SNX22: variants seen among roughly 807,000 people sequenced by gnomAD.
SNX22 encodes sorting nexin-22.
SNX22 carries 23 observed loss-of-function variants against 24.7 expected under a neutral mutation model. That is an observed-to-expected ratio of 0.93 (90% confidence interval 0.67 to 1.32). The LOEUF (loss-of-function observed/expected upper bound fraction) is 1.32. SNX22 is among the 40% of genes most tolerant of loss of function. The probability of loss-of-function intolerance (pLI) is 0.00; values close to 1 mark genes in which losing one functional copy is unlikely to be tolerated. For synonymous variants in SNX22, 99 were observed against 104.0 expected, an observed-to-expected ratio of 0.95 and a Z score of 0.29; for missense variants, 261 against 249.9, an observed-to-expected ratio of 1.04 and a Z score of -0.30.
chr15:64,155,901 G>C lies in SNX22; in HGVS notation c.*1393G>C. 6.9e-7 allele frequency: 1 copy of C among 1,455,726 alleles called. No homozygotes were observed. The highest frequency in any genetic ancestry group is 1.1e-5 in the South Asian group (1 of 87,548). 90.2% of individuals were successfully genotyped at this position (1,455,726 alleles called of 1,614,324 possible). ...ACAAAAGTGAGTCCATGGGCCTGTG[G>C]AATGTGAGGGGAGTGGGTCCGCTCC... On this transcript the variant is annotated 3_prime_UTR_variant, in exon 7 of 7. Transcript: ENST00000325881.
rs990573204 is a variant in SNX22 at position 64,156,493 on chromosome 15, G to A, written c.*1985G>A. ...GCACGTCACTGAGTGAAGGAGGGGA[G>A]GGAGGCTCTGGCAGTTGTGCAGCCT... On this transcript the variant is annotated 3_prime_UTR_variant, in exon 7 of 7. Transcript: ENST00000325881. The surrounding 1 kb of genome is among the most constrained non-coding windows in gnomAD (Gnocchi z 6.4). 5 of 639,408 alleles carry A rather than the reference G, an allele frequency of 7.8e-6. No individual in the cohort carries two copies. Among genetic ancestry groups the A allele is most frequent in the Non-Finnish European group, 1.4e-5 (5 of 362,238 alleles). 39.6% of individuals were successfully genotyped at this position (639,408 alleles called of 1,614,324 possible). A position where few individuals can be genotyped will look rare whatever the true frequency, so the allele number is the denominator to read the frequency against.
Position 64,156,178 on chromosome 15 carries a change from G to T in SNX22, c.*1670G>T, listed in dbSNP as rs2081529909. On this transcript the variant is annotated 3_prime_UTR_variant, in exon 7 of 7. Coordinates refer to ENST00000325881, the MANE Select transcript of SNX22 (RefSeq NM_024798.3). The surrounding 1 kb of genome is among the most constrained non-coding windows in gnomAD (Gnocchi z 6.4). ...AGAAAGGTGGAAGCAGGAGGGCATGGTGGATCAGGAGGTCCACCGCTCAGG... is the reference window on the plus strand; with the variant it reads ...AGAAAGGTGGAAGCAGGAGGGCATGTTGGATCAGGAGGTCCACCGCTCAGG... 2 of 1,613,280 alleles carry T rather than the reference G, an allele frequency of 1.2e-6. No individual in the cohort carries two copies. The highest frequency in any genetic ancestry group is 4.5e-5 in the East Asian group (2 of 44,874).
chr15:64,155,652 G>A lies in SNX22; in HGVS notation c.*1144G>A. The A allele has an allele frequency of 3.4e-6, 1 of 296,086 alleles. No individual in the cohort carries two copies. Among genetic ancestry groups the A allele is most frequent in the African/African-American group, 2.2e-5 (1 of 46,208 alleles). 18.3% of individuals were successfully genotyped at this position (296,086 alleles called of 1,614,324 possible). On this transcript the variant is annotated 3_prime_UTR_variant, in exon 7 of 7. Transcript: ENST00000325881. ...AGCTGGCAAAGTTTAGAAGCAGGGG[G>A]CAAAAGCTCCTGCCTGACTTTTCCT...
Position 64,156,890 on chromosome 15 carries a change from C to T in SNX22, c.*2382C>T. ...GTTTGAAGTTCTCATCGGGGAAGCG[C>T]TCACCGTAGATGCTCTTTCCTGGGA... On this transcript the variant is annotated 3_prime_UTR_variant, in exon 7 of 7. Transcript: ENST00000325881. This position sits in a 1 kb window ranked among gnomAD's most constrained non-coding sequence, Gnocchi z 6.4. 1 of 1,614,126 alleles carries T rather than the reference C, an allele frequency of 6.2e-7. No individual in the cohort carries two copies. The highest frequency in any genetic ancestry group is 8.5e-7 in the Non-Finnish European group (1 of 1,180,016).
Position 64,156,025 on chromosome 15 carries a change from ACTC to A in SNX22, c.*1520_*1522del. On this transcript the variant is annotated 3_prime_UTR_variant, in exon 7 of 7. Transcript: ENST00000325881. The surrounding 1 kb of genome is among the most constrained non-coding windows in gnomAD (Gnocchi z 6.4). ...TCAAAGAAAGATGTCCCTGTGCCCT[ACTC>A]CTTGGCGATGGCAAAGGGCTTCTCC... The A allele has an allele frequency of 6.2e-7, 1 of 1,613,846 alleles. No individual in the cohort carries two copies. Among genetic ancestry groups the A allele is most frequent in the South Asian group, 1.1e-5 (1 of 91,072 alleles).
In SNX22 at chr15:64,157,034, G is replaced by T; in HGVS notation, c.*2526G>T. On this transcript the variant is annotated 3_prime_UTR_variant, in exon 7 of 7. Coordinates refer to ENST00000325881, the MANE Select transcript of SNX22 (RefSeq NM_024798.3). This position sits in a 1 kb window ranked among gnomAD's most constrained non-coding sequence, Gnocchi z 4.2. ...AGGCTAGGCTGGAGTGGACTACAAG[G>T]ACATAAAAGCAGCGTCCTTCCTATC... 1 of 1,040,098 alleles carries T rather than the reference G, an allele frequency of 9.6e-7. No individual in the cohort carries two copies. Among genetic ancestry groups the T allele is most frequent in the Non-Finnish European group, 1.4e-6 (1 of 718,046 alleles). 64.4% of individuals were successfully genotyped at this position (1,040,098 alleles called of 1,614,324 possible).
Position 64,151,982 on chromosome 15 carries a change from C to A in SNX22, c.75+132C>A, listed in dbSNP as rs1018558060. ...GCTGGACCGTCGGGGGAAACCTTGT[C>A]GAGGGTTTGGGGGCCGCTTGGATTT... On this transcript the variant is annotated intron_variant, in intron 1 of 6. Transcript: ENST00000325881. The A allele has an allele frequency of 8.0e-6, 8 of 995,662 alleles. No homozygotes were observed. The African/African-American group carries it at 8.7e-5, about 11-fold the overall frequency. The allele number at this position is 995,662 out of a possible 1,614,324, so 61.7% of individuals were successfully genotyped here.
intron 3 of SNX22, 171 bp from the exon 4 acceptor site, chr15:64,153,074 A>G (rs2140176582): frequency 1.3e-6 from 1 of 756,374 alleles, no homozygotes; most frequent in South Asian, 1.8e-5. Context: ...ATGGGGTACA[A>G]CCTGTGCACA....
chr15:64,152,236 C>T lies in SNX22; in HGVS notation c.76-7C>T. The T allele has an allele frequency of 7.2e-7, 1 of 1,397,386 alleles. No individual in the cohort carries two copies. 86.6% of individuals were successfully genotyped at this position (1,397,386 alleles called of 1,614,324 possible). A position where few individuals can be genotyped will look rare whatever the true frequency, so the allele number is the denominator to read the frequency against. On this transcript the variant is annotated splice_polypyrimidine_tract_variant and splice_region_variant and intron_variant, in intron 1 of 6. Transcript: ENST00000325881. ...CGCGCAGACCCGCTGCCCGCCCGCGCCGCCAGGTGTTCCGAGTGGAGGTGC... is the reference window on the plus strand; with the variant it reads ...CGCGCAGACCCGCTGCCCGCCCGCGTCGCCAGGTGTTCCGAGTGGAGGTGC...
In SNX22 at chr15:64,156,458, GGTGGGACCAGCACGTCA is replaced by G. The variant is rs2081532343; in HGVS notation, c.*1951_*1967del. The G allele has an allele frequency of 8.1e-6, 5 of 617,758 alleles. No individual in the cohort carries two copies. The South Asian group carries it at 9.5e-5, about 12-fold the overall frequency. 38.3% of individuals were successfully genotyped at this position (617,758 alleles called of 1,614,324 possible). A position where few individuals can be genotyped will look rare whatever the true frequency, so the allele number is the denominator to read the frequency against. ...TCAGCTGCACTCTGTATACCTCAGG[GGTGGGACCAGCACGTCA>G]CTGAGTGAAGGAGGGGAGGGAGGCT... On this transcript the variant is annotated 3_prime_UTR_variant, in exon 7 of 7. Coordinates refer to ENST00000325881, the MANE Select transcript of SNX22 (RefSeq NM_024798.3). The surrounding 1 kb of genome is among the most constrained non-coding windows in gnomAD (Gnocchi z 6.4).
At position 64,153,266 on chromosome 15, in the gene SNX22, G is replaced by C. The variant is rs953330951; in HGVS notation, c.286G>C (p.Glu96Gln). 6.2e-7 allele frequency: 1 copy of C among 1,614,186 alleles called. No homozygotes were observed. The change falls in exon 4 of 7, where the codon GAG (glutamate) becomes CAG (glutamine). Residue 96 changes from glutamate to glutamine, a missense_variant. Glu to Gln is a conservative substitution (Grantham distance 29). Coordinates refer to ENST00000325881, the MANE Select transcript of SNX22 (RefSeq NM_024798.3). ...YIQGILYLNQEVPKELLEFLR... is the reference protein window; with the variant it reads ...YIQGILYLNQQVPKELLEFLR... ...CCAGGGCATCCTGTACCTGAACCAG[G>C]AGGTGCCCAAGGAGTTACTGGAATT...
At chr15:64,151,972 G>A (rs1312629407) in intron 1 of SNX22, 122 bp downstream of exon 1, 3 of 1,051,876 alleles carry the variant, frequency 2.9e-6, no homozygotes, top group Non-Finnish European at 3.9e-6. Flanking sequence ...ACCGTCGGGG[G>A]AAACCTTGTC....
At position 64,156,574 on chromosome 15, in the gene SNX22, T is replaced by C. The variant is rs2081533213; in HGVS notation, c.*2066T>C. The C allele has an allele frequency of 2.0e-6, 2 of 979,520 alleles. No homozygotes were observed. Among genetic ancestry groups the C allele is most frequent in the Non-Finnish European group, 1.6e-6 (1 of 613,192 alleles). The allele number at this position is 979,520 out of a possible 1,614,324, so 60.7% of individuals were successfully genotyped here. On this transcript the variant is annotated 3_prime_UTR_variant, in exon 7 of 7. Coordinates refer to ENST00000325881, the MANE Select transcript of SNX22 (RefSeq NM_024798.3). This position sits in a 1 kb window ranked among gnomAD's most constrained non-coding sequence, Gnocchi z 6.4. The stretch of plus-strand genomic sequence containing the variant: ...ATTTAGAACCTTGGAGGCATGGAGG[T>C]ACAGGGTTTATTCTGGACAGGAGCA...
At chr15:64,152,572 C>T in intron 2 of SNX22, 66 bp from the exon 3 acceptor site, 2 of 1,490,472 alleles carry the variant, frequency 1.3e-6, no homozygotes, top group Non-Finnish European at 1.8e-6. Context: ...GGGCTTCTGG[C>T]TGGGGCGAAG....
rs767544429 is a variant in SNX22 at position 64,156,940 on chromosome 15, G to A, written c.*2432G>A. On this transcript the variant is annotated 3_prime_UTR_variant, in exon 7 of 7. Coordinates refer to ENST00000325881, the MANE Select transcript of SNX22 (RefSeq NM_024798.3). This position sits in a 1 kb window ranked among gnomAD's most constrained non-coding sequence, Gnocchi z 6.4. Reference sequence around the variant, plus strand: ...AAAAAAGACAGAGCAGGTCAGGGGCGCTGGATTGCGCCAAACCAAGCAGAC... The same window carrying A: ...AAAAAAGACAGAGCAGGTCAGGGGCACTGGATTGCGCCAAACCAAGCAGAC... 1.5e-5 allele frequency: 24 copies of A among 1,609,172 alleles called. No homozygotes were observed. The highest frequency in any genetic ancestry group is 4.4e-5 in the South Asian group (4 of 90,922).
At position 64,156,457 on chromosome 15, in the gene SNX22, G is replaced by A; in HGVS notation, c.*1949G>A. On this transcript the variant is annotated 3_prime_UTR_variant, in exon 7 of 7. Transcript: ENST00000325881. This position sits in a 1 kb window ranked among gnomAD's most constrained non-coding sequence, Gnocchi z 6.4. ...TTCAGCTGCACTCTGTATACCTCAG[G>A]GGTGGGACCAGCACGTCACTGAGTG... 1.6e-6 allele frequency: 1 copy of A among 617,612 alleles called. No individual in the cohort carries two copies. The allele number at this position is 617,612 out of a possible 1,614,324, so 38.3% of individuals were successfully genotyped here.
chr15:64,151,899 C>T, intron 1 of SNX22, 49 bp downstream of exon 1: 2 of 1,492,896 alleles, frequency 1.3e-6, no homozygotes, highest in East Asian at 2.6e-5. Flanking sequence ...CGCAGGATTT[C>T]CCCGCGCTGC....
intron 1 of SNX22, 190 bp downstream of exon 1, chr15:64,152,040 A>T (rs2081489916): frequency 1.9e-5 from 14 of 744,288 alleles, no homozygotes; most frequent in Non-Finnish European, 2.2e-5. Flanking sequence ...CGAGCTCTTG[A>T]GGGACCCCAG....
rs749436404 is a variant in SNX22, at chr15:64,156,848, A to C, written c.*2340A>C. 9.9e-6 allele frequency: 16 copies of C among 1,614,210 alleles called. No individual in the cohort carries two copies. The South Asian group carries it at 1.5e-4, about 16-fold the overall frequency. On this transcript the variant is annotated 3_prime_UTR_variant, in exon 7 of 7. Transcript: ENST00000325881. This position sits in a 1 kb window ranked among gnomAD's most constrained non-coding sequence, Gnocchi z 6.4. ...CTGCGTTGGCCATGCTCACCCAGCCAGGCCCGTAGTGCTTCAGTTTGAAGT... is the reference window on the plus strand; with the variant it reads ...CTGCGTTGGCCATGCTCACCCAGCCCGGCCCGTAGTGCTTCAGTTTGAAGT...
Sources: gnomAD v4.1 joint callset for allele counts on GRCh38, gnomAD v4.1.1 for gene constraint, Gnocchi (gnomAD v3.1) non-coding constraint, MANE v1.5 for transcripts, NCBI Gene and HGNC (gene_info 2026-07-23, HGNC 2026-07-21) for gene names.